ATP8A2: variants seen among roughly 807,000 people sequenced by gnomAD.
ATP8A2 encodes the protein phospholipid-transporting ATPase IB.
ATP8A2 carries 100 observed loss-of-function variants against 165.6 expected under a neutral mutation model. The observed-to-expected ratio is 0.60, with a 90% CI of 0.51 to 0.71. ATP8A2 has a LOEUF of 0.71. Ranked by LOEUF, ATP8A2 falls within the 30% of genes least tolerant of loss-of-function variation. The pLI is 0.00. For synonymous variants in ATP8A2, 543 were observed against 548.8 expected, an observed-to-expected ratio of 0.99 and a Z score of 0.15; for missense variants, 1,227 against 1,479.5, an observed-to-expected ratio of 0.83 and a Z score of 2.80.
At chr13:25,411,331 C>A (rs979111278) in intron 1 of ATP8A2, among the ~76,000 whole-genome samples, 3 of 152,134 alleles carry the variant, frequency 2.0e-5, no homozygotes, top group Non-Finnish European at 2.9e-5. Flanking sequence ...TGAGAGGTGG[C>A]TAGTACTGTG....
intron 35 of ATP8A2, among the ~76,000 whole-genome samples, chr13:25,979,902 C>T (rs1203894827): frequency 5.9e-5 from 9 of 152,124 alleles, no homozygotes; most frequent in Admixed American, 5.9e-4. Context: ...TTACAAGGCT[C>T]ATGGCTGACA....
rs557688753 is a variant in ATP8A2 at position 25,541,352 on chromosome 13, A to G, written c.652-567A>G. On this transcript the variant is annotated intron_variant, in intron 8 of 36. Transcript: ENST00000381655. The stretch of plus-strand genomic sequence containing the variant: ...AGCCTGGGCAACATAGCAAGACCCT[A>G]TCTCTACAAAAAACTTAAAAAATAG... Among the ~76,000 whole-genome samples the G allele has an allele frequency of 5.3e-5, 8 of 152,086 alleles. No individual in the cohort carries two copies. In the South Asian group the frequency reaches 1.5e-3, roughly 28 times the overall value.
chr13:25,782,335 A>G (rs1191860566), intron 27 of ATP8A2, among the ~76,000 whole-genome samples: 1 of 152,228 alleles, frequency 6.6e-6, no homozygotes, highest in Admixed American at 6.5e-5. Flanking sequence ...AATATCATTG[A>G]CATATGGACC....
At chr13:25,632,774 G>T (rs1484580694) in intron 24 of ATP8A2, among the ~76,000 whole-genome samples, 1 of 152,124 alleles carries the variant, frequency 6.6e-6, no homozygotes, top group Non-Finnish European at 1.5e-5. Flanking sequence ...GAGGAAGATT[G>T]ACAGTCTGCG....
At position 25,880,312 on chromosome 13, in the gene ATP8A2, A is replaced by G. The variant is rs553500167; in HGVS notation, c.3183+17904A>G. Among the ~76,000 whole-genome samples the G allele has an allele frequency of 6.6e-5, 10 of 151,486 alleles. No homozygotes were observed. In the East Asian group the frequency reaches 1.6e-3, roughly 24 times the overall value. On this transcript the variant is annotated intron_variant, in intron 33 of 36. Transcript: ENST00000381655. ...ACTTTGCTTTTTGTGAAGTAGCCACATGTCCCATCAGATTAAAAAGTGTAA... is the reference window on the plus strand; with the variant it reads ...ACTTTGCTTTTTGTGAAGTAGCCACGTGTCCCATCAGATTAAAAAGTGTAA...
At chr13:25,595,276 A>C (rs770848910) in intron 24 of ATP8A2, among the ~76,000 whole-genome samples, 2 of 152,222 alleles carry the variant, frequency 1.3e-5, no homozygotes, top group Non-Finnish European at 2.9e-5. Flanking sequence ...GCAAAGCATT[A>C]ATTCTTTAAC....
intron 1 of ATP8A2, among the ~76,000 whole-genome samples, chr13:25,393,563 G>C (rs112743251): frequency 1.1e-4 from 17 of 152,210 alleles, no homozygotes; most frequent in African/African-American, 4.1e-4. Flanking sequence ...TTACAGGTAT[G>C]TACCACCATG....
intron 30 of ATP8A2, among the ~76,000 whole-genome samples, chr13:25,854,058 G>A (rs1952085743): frequency 6.6e-6 from 1 of 152,154 alleles, no homozygotes; most frequent in Non-Finnish European, 1.5e-5. Flanking sequence ...TCTTATTACG[G>A]GGACTGCCTC....
intron 33 of ATP8A2, among the ~76,000 whole-genome samples, chr13:25,902,454 A>G (rs1401157623): frequency 1.3e-5 from 2 of 152,188 alleles, no homozygotes; most frequent in East Asian, 3.8e-4. Flanking sequence ...CTGGTGGGCA[A>G]AGAATAGAGT....
At chr13:25,861,054 C>T (rs75466927) in intron 32 of ATP8A2, among the ~76,000 whole-genome samples, 194 bp downstream of exon 32, 4 of 152,074 alleles carry the variant, frequency 2.6e-5, no homozygotes, top group South Asian at 2.1e-4. Context: ...TTGCTTGGCA[C>T]GTAATACAGC....
At chr13:25,393,788 T>G (rs997236876) in intron 1 of ATP8A2, among the ~76,000 whole-genome samples, 1 of 152,248 alleles carries the variant, frequency 6.6e-6, no homozygotes, top group African/African-American at 2.4e-5. Flanking sequence ...TTTTATGTTG[T>G]GCATGCCTTG....
At chr13:25,545,735 A>G (rs1029738860) in intron 10 of ATP8A2, among the ~76,000 whole-genome samples, 1 of 152,140 alleles carries the variant, frequency 6.6e-6, no homozygotes, top group African/African-American at 2.4e-5. Flanking sequence ...CCCAGGCTCA[A>G]GCCATCCTCC....
chr13:25,821,094 C>T (rs2138568964), intron 27 of ATP8A2, among the ~76,000 whole-genome samples: 1 of 152,240 alleles, frequency 6.6e-6, no homozygotes, highest in South Asian at 2.1e-4. Context: ...GCTGCAGCAC[C>T]TGCAACTGAT....
chr13:25,828,096 C>T, intron 27 of ATP8A2, 22 bp from the exon 28 acceptor site: 4 of 1,602,968 alleles, frequency 2.5e-6, no homozygotes, highest in Non-Finnish European at 3.4e-6. Flanking sequence ...TATAAAACTT[C>T]ATGAGCTTTC....
intron 33 of ATP8A2, among the ~76,000 whole-genome samples, chr13:25,934,949 C>G (rs982837262): frequency 2.6e-5 from 4 of 152,178 alleles, no homozygotes; most frequent in Non-Finnish European, 5.9e-5. Context: ...CAGGAGTGGA[C>G]TCAGATACCA....
chr13:25,741,364 C>T (rs986999293), intron 25 of ATP8A2, among the ~76,000 whole-genome samples: 2 of 152,070 alleles, frequency 1.3e-5, no homozygotes, highest in African/African-American at 4.8e-5. Flanking sequence ...AACATACACT[C>T]GAGCAACATT....
chr13:25,897,935 T>C (rs1221139439), intron 33 of ATP8A2, among the ~76,000 whole-genome samples: 1 of 152,164 alleles, frequency 6.6e-6, no homozygotes, highest in African/African-American at 2.4e-5. Flanking sequence ...TATCCATTCG[T>C]CTAATTTTTT....
intron 25 of ATP8A2, among the ~76,000 whole-genome samples, chr13:25,713,780 T>G (rs2137992600): frequency 6.6e-6 from 1 of 152,050 alleles, no homozygotes; most frequent in Middle Eastern, 3.4e-3. Flanking sequence ...TGCCATGTTC[T>G]GGGTCCTGGG....
At chr13:25,715,374 T>G (rs1388360225) in intron 25 of ATP8A2, among the ~76,000 whole-genome samples, 22 of 152,230 alleles carry the variant, frequency 1.4e-4, no homozygotes, top group Admixed American at 1.4e-3. Context: ...TTCACACATT[T>G]GAAGTATACA....
Sources: gnomAD v4.1 joint callset for allele counts (sites outside exome capture counted in the v4.1 genomes callset) on GRCh38, gnomAD v4.1.1 for gene constraint, MANE v1.5 for transcripts, NCBI Gene and HGNC (gene_info 2026-07-23, HGNC 2026-07-21) for gene names.